ANKHD1: variants seen among roughly 807,000 people sequenced by gnomAD.
ANKHD1 encodes the protein ankyrin repeat and KH domain containing 1, also known as ankyrin repeat and KH domain-containing protein 1.
ANKHD1 carries 31 observed loss-of-function variants against 230.5 expected under a neutral mutation model. The ratio of observed to expected loss-of-function variants is 0.13; its 90% CI spans 0.10 to 0.18. The LOEUF is 0.18. ANKHD1 is among the 10% of genes least tolerant of loss of function. The pLI, the probability that ANKHD1 is intolerant of heterozygous loss-of-function variation, is 1.00. For missense variants in ANKHD1, 2,256 were observed against 3,071.3 expected, an observed-to-expected ratio of 0.73 and a Z score of 6.27; for synonymous variants, 1,074 against 1,117.6, an observed-to-expected ratio of 0.96 and a Z score of 0.78.
At position 140,524,086 on chromosome 5, in the gene ANKHD1, G is replaced by A; in HGVS notation, c.4338G>A (p.Lys1446=). The A allele has an allele frequency of 6.3e-7, 1 of 1,586,588 alleles. No homozygotes were observed. Residue 1446 remains lysine, a synonymous_variant, in exon 25 of 34, where the codon AAG becomes AAA. Coordinates refer to ENST00000360839, the MANE Select transcript of ANKHD1 (RefSeq NM_017747.3). ...DLEKSREESR[K]QALAAKREKR... ...TCCAGTCAAGAGAAGAGAGCAGAAA[G>A]CAGGCTCTTGCTGCTAAAAGAGAAA... is the stretch of plus-strand genomic sequence containing the variant.
chr5:140,539,248 G>A, intron 33 of ANKHD1, 111 bp from the exon 34 acceptor site: 2 of 1,568,534 alleles, frequency 1.3e-6, no homozygotes, highest in South Asian at 2.4e-5. Context: ...TTTAATATAT[G>A]TGTATTCTTC....
chr5:140,402,178 G>A lies in ANKHD1; in HGVS notation c.211G>A (p.Gly71Arg). Residue 71 changes from glycine to arginine, a missense_variant, in exon 1 of 34, where the codon GGG (glycine) becomes AGG (arginine). By Grantham distance (125) the Gly-to-Arg change is moderately radical. Transcript: ENST00000360839. ...CGGCAGCGGCAGCGGTACGGGCGGA[G>A]GGGACGCGGCGCTGGATTTCAAGTT... is the stretch of plus-strand genomic sequence containing the variant. Reference protein sequence around the residue: ...GGGSGSGTGGGDAALDFKLAA... With the variant: ...GGGSGSGTGGRDAALDFKLAA... 1.3e-6 allele frequency: 2 copies of A among 1,526,458 alleles called. No homozygotes were observed. The highest frequency in any genetic ancestry group is 1.8e-4 in the Middle Eastern group (1 of 5,536). 94.6% of individuals were successfully genotyped at this position (1,526,458 alleles called of 1,614,324 possible).
chr5:140,524,578 A>G (rs79430815), intron 25 of ANKHD1, among the ~76,000 whole-genome samples: 3,193 of 152,200 alleles, frequency 0.021, 117 homozygotes, highest in African/African-American at 0.073. Context: ...TAGAAGTAAA[A>G]TTTCTCAGTT....
intron 7 of ANKHD1, among the ~76,000 whole-genome samples, chr5:140,451,554 G>A (rs919755): frequency 0.6 from 91,113 of 152,022 alleles, 29,243 homozygotes; most frequent in East Asian, 0.83. Flanking sequence ...TATCATTCAG[G>A]CTGGGTGCAG....
At position 140,491,117 on chromosome 5, in the gene ANKHD1, C is replaced by T. The variant is rs1195153573; in HGVS notation, c.2245+4057C>T. On this transcript the variant is annotated intron_variant, in intron 14 of 33. Coordinates refer to ENST00000360839, the MANE Select transcript of ANKHD1 (RefSeq NM_017747.3). ...GTATATATATATATATACACACACA[C>T]ACATATATATATATATATACACATA... 5.4e-3 allele frequency among the ~76,000 whole-genome samples: 502 copies of T among 92,676 alleles called. 6 individuals are homozygous for T. Among genetic ancestry groups the T allele is most frequent in the African/African-American group, 0.019 (474 of 25,086 alleles). The allele number at this position is 92,676 out of a possible 152,430, so 60.8% of individuals were successfully genotyped here.
intron 10 of ANKHD1, chr5:140,472,488 T>A (rs1776562929): frequency 3.5e-5 from 46 of 1,297,138 alleles, no homozygotes; most frequent in Non-Finnish European, 4.5e-5. Context: ...GTTTGTTTCC[T>A]TAGTCTTCTT....
At chr5:140,438,660 T>C (rs1773628616) in intron 3 of ANKHD1, 43 bp downstream of exon 3, 1 of 1,493,070 alleles carries the variant, frequency 6.7e-7, no homozygotes, top group South Asian at 1.4e-5. Context: ...TTTTCTTGAA[T>C]AGATTTTGGG....
At position 140,406,111 on chromosome 5, in the gene ANKHD1, G is replaced by A. The variant is rs547030943; in HGVS notation, c.306+3838G>A. Reference sequence around the variant, plus strand: ...AAATTAGCCGGGCTTGGTGGAGGGCGCCTGTAATCTGAGTTACTCAGGAGG... The same window carrying A: ...AAATTAGCCGGGCTTGGTGGAGGGCACCTGTAATCTGAGTTACTCAGGAGG... On this transcript the variant is annotated intron_variant, in intron 1 of 33. Transcript: ENST00000360839. Among the ~76,000 whole-genome samples, 10 of 151,994 alleles carry A rather than the reference G, an allele frequency of 6.6e-5. No individual in the cohort carries two copies. The East Asian group carries it at 9.8e-4, about 15-fold the overall frequency.
intron 14 of ANKHD1, 46 bp downstream of exon 14, chr5:140,487,106 A>G (rs750098755): frequency 7.0e-6 from 11 of 1,566,110 alleles, no homozygotes; most frequent in Non-Finnish European, 9.5e-6. Flanking sequence ...TTTTTCACCT[A>G]ATTGATAAAT....
chr5:140,418,816 C>A (rs1771621986), intron 1 of ANKHD1, among the ~76,000 whole-genome samples: 1 of 152,112 alleles, frequency 6.6e-6, no homozygotes, highest in African/African-American at 2.4e-5. Flanking sequence ...TTGCAGCCTC[C>A]AGTTCTTGGG....
At chr5:140,412,725 T>C (rs1344237375) in intron 1 of ANKHD1, among the ~76,000 whole-genome samples, 1 of 152,222 alleles carries the variant, frequency 6.6e-6, no homozygotes, top group Non-Finnish European at 1.5e-5. Flanking sequence ...TTTGTAAAAA[T>C]TGTAATCTGC....
rs557681918 is a variant in ANKHD1, at chr5:140,483,268, C to T, written c.1870+601C>T. Among the ~76,000 whole-genome samples the T allele has an allele frequency of 3.5e-4, 54 of 152,114 alleles. 1 individual carries two copies. The highest frequency in any genetic ancestry group is 1.3e-3 in the African/African-American group (53 of 41,508). ...GTAATGTCAGCAGTTTCATTTGGTT[C>T]AGCCTAACTCTTTGTATAGTGTCAG... On this transcript the variant is annotated intron_variant, in intron 11 of 33. Transcript: ENST00000360839.
rs763677380 is a variant in ANKHD1 at position 140,506,813 on chromosome 5, C to G, written c.3409-22C>G. 3.3e-5 allele frequency: 54 copies of G among 1,613,426 alleles called. No individual in the cohort carries two copies. Among genetic ancestry groups the G allele is most frequent in the African/African-American group, 5.3e-5 (4 of 74,888 alleles). On this transcript the variant is annotated intron_variant, in intron 18 of 33. Coordinates refer to ENST00000360839, the MANE Select transcript of ANKHD1 (RefSeq NM_017747.3). This position sits in a 1 kb window ranked among gnomAD's most constrained non-coding sequence, Gnocchi z 4.7. Reference sequence around the variant, plus strand: ...GAGCCCTTGGTGTAAACTCTCTTCTCTATCCATATTTTACTTTGTAGGTGG... The same window carrying G: ...GAGCCCTTGGTGTAAACTCTCTTCTGTATCCATATTTTACTTTGTAGGTGG...
intron 4 of ANKHD1, among the ~76,000 whole-genome samples, chr5:140,440,611 C>T (rs1773782457): frequency 6.6e-6 from 1 of 152,140 alleles, no homozygotes; most frequent in Non-Finnish European, 1.5e-5. Flanking sequence ...TACCCCAATT[C>T]TTTTAATTTT....
intron 29 of ANKHD1, among the ~76,000 whole-genome samples, chr5:140,532,653 G>T: frequency 6.6e-6 from 1 of 152,164 alleles, no homozygotes; most frequent in East Asian, 1.9e-4. Flanking sequence ...ATGTGGTCAT[G>T]AATGCACAAT....
chr5:140,526,592 C>A, intron 26 of ANKHD1, 149 bp downstream of exon 26: 2 of 1,107,338 alleles, frequency 1.8e-6, no homozygotes, highest in Non-Finnish European at 2.5e-6. Flanking sequence ...AACTGAAATT[C>A]ACCCATGTCC....
chr5:140,494,416 G>A (rs1295540698), intron 14 of ANKHD1, among the ~76,000 whole-genome samples: 1 of 152,124 alleles, frequency 6.6e-6, no homozygotes, highest in Non-Finnish European at 1.5e-5. Context: ...AGACCAGGCT[G>A]AGCAACATAG....
intron 11 of ANKHD1, chr5:140,484,907 C>A: frequency 1.5e-6 from 1 of 648,266 alleles, no homozygotes; most frequent in Non-Finnish European, 2.1e-6. Flanking sequence ...CAAGATGGGG[C>A]TTTTGGTATG....
chr5:140,514,443 G>T (rs1216013903), intron 24 of ANKHD1, among the ~76,000 whole-genome samples: 2 of 152,048 alleles, frequency 1.3e-5, no homozygotes, highest in Non-Finnish European at 2.9e-5. Context: ...GCAGTGACCT[G>T]TGATTGTGCC....
Sources: allele counts gnomAD v4.1 joint callset (sites outside exome capture counted in the v4.1 genomes callset), GRCh38; gene constraint gnomAD v4.1.1; non-coding constraint Gnocchi (gnomAD v3.1); transcripts MANE v1.5; gene names NCBI Gene and HGNC (gene_info 2026-07-23, HGNC 2026-07-21).